The following NAA30 variants were observed in gnomAD, a reference collection of about 807,000 sequenced individuals.
NAA30 encodes N-alpha-acetyltransferase 30.
NAA30 carries 5 observed loss-of-function variants against 31.4 expected under a neutral mutation model. That is an observed-to-expected ratio of 0.16 (90% CI 0.08 to 0.33). The LOEUF (loss-of-function observed/expected upper bound fraction) is 0.33, where lower values mean the gene tolerates loss of function less well. NAA30 is among the 10% of genes least tolerant of loss of function. The pLI, the probability that NAA30 is intolerant of heterozygous loss-of-function variation, is 1.00. For missense variants in NAA30, 428 were observed against 490.8 expected (o/e 0.87, Z 1.21); for synonymous variants, 222 against 207.1 (o/e 1.07, Z -0.62).
intron 2 of NAA30, among the ~76,000 whole-genome samples, chr14:57,393,311 A>G (rs1296854058): frequency 1.3e-5 from 2 of 152,180 alleles, no homozygotes; most frequent in Non-Finnish European, 2.9e-5. Flanking sequence ...GAACCCTCCC[A>G]ATTCACCAGC....
intron 3 of NAA30, among the ~76,000 whole-genome samples, chr14:57,397,631 A>AATAGGCCACC (rs2066456858): frequency 6.6e-6 from 1 of 152,178 alleles, no homozygotes; most frequent in Non-Finnish European, 1.5e-5. Context: ...CATAAAACTC[A>AATAGGCCACC]ATAGGCCACC....
chr14:57,394,924 T>C (rs1212156029), intron 2 of NAA30, among the ~76,000 whole-genome samples: 1 of 152,152 alleles, frequency 6.6e-6, no homozygotes, highest in African/African-American at 2.4e-5. Flanking sequence ...CAGGCCAAAA[T>C]TTTTTCTGGC....
At chr14:57,399,303 T>C (rs751948159) in intron 3 of NAA30, among the ~76,000 whole-genome samples, 29 of 152,216 alleles carry the variant, frequency 1.9e-4, no homozygotes, top group African/African-American at 4.6e-4. Context: ...ACTGACATCA[T>C]TGGGAGTGCC....
At chr14:57,407,956 T>C (rs1771901637) in intron 4 of NAA30, among the ~76,000 whole-genome samples, 1 of 152,102 alleles carries the variant, frequency 6.6e-6, no homozygotes, top group South Asian at 2.1e-4. Context: ...TGGAGAGGAA[T>C]GAGGTTCAAA....
intron 4 of NAA30, among the ~76,000 whole-genome samples, chr14:57,400,951 C>A (rs529550974): frequency 1.3e-5 from 2 of 150,898 alleles, no homozygotes; most frequent in South Asian, 4.2e-4. Flanking sequence ...CAGCTGGAGA[C>A]CACTCCAGCT....
In NAA30 at chr14:57,411,243, C is replaced by G. The variant is rs925253747; in HGVS notation, c.*1727C>G. ...AAAATGTTTTCCTTTTTATATTGCT[C>G]TTGAAAGTTTAATGAGCAGAATACA... On this transcript the variant is annotated 3_prime_UTR_variant, in exon 5 of 5. Transcript: ENST00000556492. 1 of 151,834 alleles carries G rather than the reference C, an allele frequency of 6.6e-6. No individual in the cohort carries two copies. Among genetic ancestry groups the G allele is most frequent in the Non-Finnish European group, 1.5e-5 (1 of 67,896 alleles). 9.4% of individuals were successfully genotyped at this position (151,834 alleles called of 1,614,324 possible). A position where few individuals can be genotyped will look rare whatever the true frequency, so the allele number is the denominator to read the frequency against.
intron 2 of NAA30, among the ~76,000 whole-genome samples, chr14:57,395,308 C>T (rs1029972479): frequency 2.0e-5 from 3 of 151,888 alleles, no homozygotes; most frequent in African/African-American, 4.8e-5. Flanking sequence ...AAGATTTCTC[C>T]ACAGTTAAAA....
intron 4 of NAA30, among the ~76,000 whole-genome samples, chr14:57,403,154 C>A (rs533920806): frequency 2.6e-5 from 4 of 151,392 alleles, no homozygotes; most frequent in African/African-American, 9.7e-5. Flanking sequence ...GCTTTCCAGC[C>A]TGGGAGACAG....
chr14:57,408,135 T>C (rs1300091113), intron 4 of NAA30, among the ~76,000 whole-genome samples: 1 of 152,222 alleles, frequency 6.6e-6, no homozygotes, highest in East Asian at 1.9e-4. Flanking sequence ...TCAGACTTTT[T>C]GATAGCTTGA....
chr14:57,398,536 C>T (rs1428413697), intron 3 of NAA30, among the ~76,000 whole-genome samples: 1 of 152,148 alleles, frequency 6.6e-6, no homozygotes, highest in African/African-American at 2.4e-5. Flanking sequence ...CGGCTCACTG[C>T]AACCTCTAGC....
At position 57,410,458 on chromosome 14, in the gene NAA30, A is replaced by G. The variant is rs952303984; in HGVS notation, c.*942A>G. 6.6e-6 allele frequency: 1 copy of G among 152,600 alleles called. No homozygotes were observed. Among genetic ancestry groups the G allele is most frequent in the African/African-American group, 2.4e-5 (1 of 41,444 alleles). The allele number at this position is 152,600 out of a possible 1,614,324, so 9.5% of individuals were successfully genotyped here. ...AGTGTAAGTTGATATGATTTTATTT[A>G]ATCAAAATTACTGCTACGCTGCGAA... On this transcript the variant is annotated 3_prime_UTR_variant, in exon 5 of 5. Coordinates refer to ENST00000556492, the MANE Select transcript of NAA30 (RefSeq NM_001011713.3).
intron 3 of NAA30, among the ~76,000 whole-genome samples, chr14:57,397,154 T>G (rs953588420): frequency 1.3e-5 from 2 of 152,232 alleles, no homozygotes; most frequent in Non-Finnish European, 2.9e-5. Flanking sequence ...CAAAATGCTT[T>G]GCATTATGCT....
Position 57,391,020 on chromosome 14 carries a change from G to T in NAA30, c.63G>T (p.Ala21=). The change falls in exon 2 of 5, where the codon GCG becomes GCT. Residue 21 remains alanine (A), a synonymous_variant. Transcript: ENST00000556492. This position sits in a 1 kb window ranked among gnomAD's most constrained non-coding sequence, Gnocchi z 4.1. The part of the protein sequence containing the change: ...LLPPPAPPAP[A]AVEPRCPFPA... ...CACCACCAGCACCTCCGGCCCCGGC[G>T]GCGGTCGAGCCCCGCTGTCCCTTCC... The T allele has an allele frequency of 1.3e-6, 2 of 1,496,318 alleles. No individual in the cohort carries two copies. The highest frequency in any genetic ancestry group is 1.5e-5 in the African/African-American group (1 of 68,340). 92.7% of individuals were successfully genotyped at this position (1,496,318 alleles called of 1,614,324 possible).
rs757970306 is a variant in NAA30, at chr14:57,410,761, G to A, written c.*1245G>A. ...TTCTTAACAGCCACCATGTTTATTA[G>A]TTACATTGTGTTTTGGCCAATCAGT... On this transcript the variant is annotated 3_prime_UTR_variant, in exon 5 of 5. Coordinates refer to ENST00000556492, the MANE Select transcript of NAA30 (RefSeq NM_001011713.3). 12 of 152,272 alleles carry A rather than the reference G, an allele frequency of 7.9e-5. No homozygotes were observed. The highest frequency in any genetic ancestry group is 1.3e-4 in the Non-Finnish European group (9 of 67,924). 9.4% of individuals were successfully genotyped at this position (152,272 alleles called of 1,614,324 possible).
In NAA30 at chr14:57,413,456, A is replaced by G. The variant is rs1240485044; in HGVS notation, c.*3940A>G. 6.6e-6 allele frequency: 1 copy of G among 152,228 alleles called. No individual in the cohort carries two copies. 9.4% of individuals were successfully genotyped at this position (152,228 alleles called of 1,614,324 possible). A position where few individuals can be genotyped will look rare whatever the true frequency, so the allele number is the denominator to read the frequency against. On this transcript the variant is annotated 3_prime_UTR_variant, in exon 5 of 5. Coordinates refer to ENST00000556492, the MANE Select transcript of NAA30 (RefSeq NM_001011713.3). ...AAGGTTGATACCATTTTTTCACACC[A>G]GTAAACACAGATCAGTATTAACCTG...
intron 2 of NAA30, among the ~76,000 whole-genome samples, chr14:57,396,399 C>T (rs1395394790): frequency 2.4e-5 from 2 of 83,634 alleles, no homozygotes; most frequent in Non-Finnish European, 6.8e-5. Context: ...CATATTTCCC[C>T]TTCCAGAACC....
Position 57,413,197 on chromosome 14 carries a change from G to A in NAA30, c.*3681G>A, listed in dbSNP as rs1045075998. Reference sequence around the variant, plus strand: ...AGAGCTTTTTGCCCCTGTCTTGTGAGGAGCTTTAAATAGCTGTGAATACTT... The same window carrying A: ...AGAGCTTTTTGCCCCTGTCTTGTGAAGAGCTTTAAATAGCTGTGAATACTT... On this transcript the variant is annotated 3_prime_UTR_variant, in exon 5 of 5. Coordinates refer to ENST00000556492, the MANE Select transcript of NAA30 (RefSeq NM_001011713.3). The A allele has an allele frequency of 6.6e-6, 1 of 150,774 alleles. No homozygotes were observed. Among genetic ancestry groups the A allele is most frequent in the Non-Finnish European group, 1.5e-5 (1 of 67,738 alleles). The allele number at this position is 150,774 out of a possible 1,614,324, so 9.3% of individuals were successfully genotyped here.
chr14:57,395,166 C>A (rs906041592), intron 2 of NAA30, among the ~76,000 whole-genome samples: 1 of 151,826 alleles, frequency 6.6e-6, no homozygotes, highest in African/African-American at 2.4e-5. Flanking sequence ...GTTTATTGAC[C>A]CAAAATAGTT....
rs1162178242 is a variant in NAA30, at chr14:57,414,245, AAC to A, written c.*4733_*4734del. On this transcript the variant is annotated 3_prime_UTR_variant, in exon 5 of 5. Transcript: ENST00000556492. ...CTGTTTCTGAAAAATCTTTTAAAAT[AAC>A]ACAACTAAAAATTACCTCTGAGCAA... 3 of 152,244 alleles carry A rather than the reference AAC, an allele frequency of 2.0e-5. No individual in the cohort carries two copies. The highest frequency in any genetic ancestry group is 2.9e-5 in the Non-Finnish European group (2 of 68,046). The allele number at this position is 152,244 out of a possible 1,614,324, so 9.4% of individuals were successfully genotyped here. A position where few individuals can be genotyped will look rare whatever the true frequency, so the allele number is the denominator to read the frequency against.
Sources: gnomAD v4.1 joint callset for allele counts (sites outside exome capture counted in the v4.1 genomes callset) on GRCh38, gnomAD v4.1.1 for gene constraint, Gnocchi (gnomAD v3.1) non-coding constraint, MANE v1.5 for transcripts, NCBI Gene and HGNC (gene_info 2026-07-23, HGNC 2026-07-21) for gene names.